Variants in CCSER1 observed in about 807,000 individuals in gnomAD.
CCSER1 encodes the protein serine-rich coiled-coil domain-containing protein 1.
CCSER1 carries 41 observed loss-of-function variants against 82.0 expected under a neutral mutation model. The ratio of observed to expected loss-of-function variants is 0.50; its 90% confidence interval spans 0.39 to 0.65. CCSER1 has a LOEUF of 0.65. CCSER1 is among the 30% of genes least tolerant of loss of function. The pLI is 0.00. For synonymous variants in CCSER1, 414 were observed against 383.9 expected, an observed-to-expected ratio of 1.08 and a Z score of -0.92; for missense variants, 1,119 against 1,064.2, an observed-to-expected ratio of 1.05 and a Z score of -0.72.
At chr4:90,507,321 A>G (rs955271352) in intron 5 of CCSER1, among the ~76,000 whole-genome samples, 6 of 151,992 alleles carry the variant, frequency 3.9e-5, no homozygotes, top group African/African-American at 1.4e-4. Flanking sequence ...AAAAAAAACA[A>G]TAAGAGGCTT....
At chr4:90,317,050 A>G (rs1339720152) in intron 3 of CCSER1, among the ~76,000 whole-genome samples, 1 of 152,218 alleles carries the variant, frequency 6.6e-6, no homozygotes, top group Non-Finnish European at 1.5e-5. Flanking sequence ...TGTTCTAGAA[A>G]AAAGTTAAAG....
At chr4:90,532,118 A>G (rs1389328669) in intron 5 of CCSER1, among the ~76,000 whole-genome samples, 1 of 152,198 alleles carries the variant, frequency 6.6e-6, no homozygotes, top group Non-Finnish European at 1.5e-5. Context: ...GTATCTTTAT[A>G]AATCAAAAGT....
At chr4:90,213,059 G>C (rs1473892018) in intron 1 of CCSER1, among the ~76,000 whole-genome samples, 1 of 152,144 alleles carries the variant, frequency 6.6e-6, no homozygotes, top group African/African-American at 2.4e-5. Context: ...TAAAGGTTAT[G>C]CGTGCTTTAT....
chr4:91,173,014 A>T (rs1475745420), intron 10 of CCSER1, among the ~76,000 whole-genome samples: 1 of 152,162 alleles, frequency 6.6e-6, no homozygotes, highest in Non-Finnish European at 1.5e-5. Context: ...TTACATTTAG[A>T]CTATTGAAAA....
At chr4:91,221,351 A>T (rs963534660) in intron 10 of CCSER1, among the ~76,000 whole-genome samples, 2 of 152,132 alleles carry the variant, frequency 1.3e-5, no homozygotes, top group Admixed American at 6.5e-5. Context: ...GAATTTCCTT[A>T]TTGAAAACAG....
intron 5 of CCSER1, among the ~76,000 whole-genome samples, chr4:90,522,307 A>G (rs532427229): frequency 6.6e-6 from 1 of 152,266 alleles, no homozygotes; most frequent in African/African-American, 2.4e-5. Flanking sequence ...TACATTTTGT[A>G]GGTTCTGTTA....
chr4:90,305,645 C>G (rs1471239489), intron 1 of CCSER1, among the ~76,000 whole-genome samples: 1 of 152,106 alleles, frequency 6.6e-6, no homozygotes, highest in Non-Finnish European at 1.5e-5. Flanking sequence ...TACAAGAATA[C>G]TGAAATGTTT....
At chr4:90,305,195 C>T (rs183952544) in intron 1 of CCSER1, among the ~76,000 whole-genome samples, 3 of 152,262 alleles carry the variant, frequency 2.0e-5, no homozygotes, top group East Asian at 3.9e-4. Flanking sequence ...GGATTACAGG[C>T]GTGAGCCACC....
intron 10 of CCSER1, among the ~76,000 whole-genome samples, chr4:91,445,001 TA>T (rs1224203258): frequency 6.6e-6 from 1 of 152,216 alleles, no homozygotes; most frequent in African/African-American, 2.4e-5. Context: ...AGTGTGTTGT[TA>T]AAAGCAAAGA....
chr4:90,477,178 G>T (rs149604667), intron 5 of CCSER1, among the ~76,000 whole-genome samples: 1 of 152,146 alleles, frequency 6.6e-6, no homozygotes, highest in African/African-American at 2.4e-5. Flanking sequence ...AAGTCTTCTA[G>T]TAATACTATA....
intron 1 of CCSER1, among the ~76,000 whole-genome samples, chr4:90,238,024 G>A (rs575190715): frequency 5.3e-5 from 8 of 152,106 alleles, no homozygotes; most frequent in Non-Finnish European, 8.8e-5. Context: ...ATGTTTATCC[G>A]AGCCTTCAAC....
rs188350527 is a variant in CCSER1, at chr4:91,355,370, C to A, written c.2218-243202C>A. Among the ~76,000 whole-genome samples the A allele has an allele frequency of 1.8e-3, 277 of 152,150 alleles. 7 individuals are homozygous for A. The highest frequency in any genetic ancestry group is 0.016 in the Admixed American group (243 of 15,260). On this transcript the variant is annotated intron_variant, in intron 10 of 10. Coordinates refer to ENST00000509176, the MANE Select transcript of CCSER1 (RefSeq NM_001145065.2). ...TTACTTGTGTCACCTAGAAAAGGAC[C>A]AGTCCTTAATTTTATTTTAAAAACT...
In CCSER1 at chr4:90,932,974, GAAA is replaced by G. The variant is rs1730197321; in HGVS notation, c.2172+9528_2172+9530del. On this transcript the variant is annotated intron_variant, in intron 9 of 10. Coordinates refer to ENST00000509176, the MANE Select transcript of CCSER1 (RefSeq NM_001145065.2). ...AGAAAGAAAGAAAGAAAGAAAGAAA[GAAA>G]GAAAGAGAAAGAAAGAAAGAAAGAA... Among the ~76,000 whole-genome samples the G allele has an allele frequency of 6.6e-5, 2 of 30,476 alleles. 1 individual carries two copies. Among genetic ancestry groups the G allele is most frequent in the African/African-American group, 5.2e-4 (2 of 3,812 alleles). 20.0% of individuals were successfully genotyped at this position (30,476 alleles called of 152,430 possible).
chr4:90,409,672 A>C (rs139325626), intron 4 of CCSER1, among the ~76,000 whole-genome samples: 1,546 of 152,316 alleles, frequency 0.01, 17 homozygotes, highest in South Asian at 0.03. Context: ...GCCACTGCAA[A>C]AACATGCTAA....
At chr4:91,546,164 G>T (rs1210841600) in intron 10 of CCSER1, among the ~76,000 whole-genome samples, 1 of 151,986 alleles carries the variant, frequency 6.6e-6, no homozygotes, top group African/African-American at 2.4e-5. Context: ...TTTATATATT[G>T]GGTTTGATTT....
At chr4:91,043,226 AAAG>A (rs1461177720) in intron 9 of CCSER1, among the ~76,000 whole-genome samples, 1 of 152,138 alleles carries the variant, frequency 6.6e-6, no homozygotes, top group Non-Finnish European at 1.5e-5. Flanking sequence ...TTCACTAAAA[AAAG>A]AAATGTTATT....
chr4:91,018,798 G>A (rs1739666079), intron 9 of CCSER1, among the ~76,000 whole-genome samples: 1 of 151,698 alleles, frequency 6.6e-6, no homozygotes, highest in Non-Finnish European at 1.5e-5. Flanking sequence ...TTACTTTTTC[G>A]ATAAATTTAA....
chr4:91,171,465 GAAGTCACAGAAATATTAA>G (rs1732750720), intron 10 of CCSER1, among the ~76,000 whole-genome samples: 1 of 152,178 alleles, frequency 6.6e-6, no homozygotes, highest in African/African-American at 2.4e-5. Context: ...CATTGAGTCA[GAAGTCACAGAAATATTAA>G]AAGTCACAGA....
chr4:91,300,485 A>G (rs113119943), intron 10 of CCSER1, among the ~76,000 whole-genome samples: 2 of 152,030 alleles, frequency 1.3e-5, no homozygotes, highest in African/African-American at 4.8e-5. Context: ...GCTGAGACAT[A>G]TGCCTCAGGT....
Sources: gnomAD v4.1 joint callset for allele counts (sites outside exome capture counted in the v4.1 genomes callset) on GRCh38, gnomAD v4.1.1 for gene constraint, MANE v1.5 for transcripts, NCBI Gene and HGNC (gene_info 2026-07-23, HGNC 2026-07-21) for gene names.